FSHR: variants seen among roughly 807,000 people sequenced by gnomAD.
FSHR encodes follicle stimulating hormone receptor.
A neutral mutation model predicts 52.1 loss-of-function variants in FSHR; 46 were observed. The observed-to-expected ratio is 0.88, with a 90% confidence interval of 0.70 to 1.13. The LOEUF is 1.13. Ranked by LOEUF, FSHR falls within the 50% of genes most tolerant of loss-of-function variation. The pLI, the probability that FSHR is intolerant of heterozygous loss-of-function variation, is 0.00. For synonymous variants in FSHR, 399 were observed against 309.6 expected (o/e 1.29, Z -3.03); for missense variants, 964 against 834.6 (o/e 1.16, Z -1.91).
rs1020217592 is a variant in FSHR, at chr2:49,154,444, T to C, written c.-27A>G. On this transcript the variant is annotated 5_prime_UTR_variant, in exon 1 of 10. Transcript: ENST00000406846. Reference sequence around the variant, plus strand: ...ATTATGCATCCATCCACCTGATTTCTTCCTGCATTTGCAGAGAAAAACCTC... The same window carrying C: ...ATTATGCATCCATCCACCTGATTTCCTCCTGCATTTGCAGAGAAAAACCTC... The C allele has an allele frequency of 4.3e-6, 7 of 1,611,344 alleles. No homozygotes were observed. In the African/African-American group the frequency reaches 8.0e-5, roughly 18 times the overall value.
At chr2:48,979,382 T>G (rs1049170941) in intron 8 of FSHR, among the ~76,000 whole-genome samples, 2 of 151,940 alleles carry the variant, frequency 1.3e-5, no homozygotes, top group Non-Finnish European at 2.9e-5. Flanking sequence ...TTAACGCTGC[T>G]GTCAGCTATG....
intron 2 of FSHR, chr2:49,059,642 A>C (rs1669208403): frequency 6.6e-6 from 1 of 152,622 alleles, no homozygotes; most frequent in East Asian, 1.9e-4. Flanking sequence ...AGTAATGGCA[A>C]AAACTGCAAT....
At chr2:49,017,585 G>T (rs774735687) in intron 3 of FSHR, 22 bp from the exon 4 acceptor site, 2 of 1,561,206 alleles carry the variant, frequency 1.3e-6, no homozygotes, top group South Asian at 1.1e-5. Flanking sequence ...GAAAAAACAT[G>T]CTAGTGATCT....
chr2:49,144,273 G>A (rs1672791800), intron 1 of FSHR, among the ~76,000 whole-genome samples: 1 of 152,120 alleles, frequency 6.6e-6, no homozygotes, highest in African/African-American at 2.4e-5. Context: ...CTTTGGCTGA[G>A]GTTCTTAAAT....
intron 1 of FSHR, among the ~76,000 whole-genome samples, chr2:49,082,211 G>C (rs1670196520): frequency 6.6e-6 from 1 of 152,150 alleles, no homozygotes; most frequent in Admixed American, 6.5e-5. Context: ...CAGCCTAACT[G>C]GGAGGCACCC....
At chr2:49,137,530 C>T (rs1672529450) in intron 1 of FSHR, among the ~76,000 whole-genome samples, 2 of 152,150 alleles carry the variant, frequency 1.3e-5, no homozygotes, top group South Asian at 2.1e-4. Context: ...CTCTAAATAG[C>T]TACCATCCTG....
At position 49,140,307 on chromosome 2, in the gene FSHR, C is replaced by T. The variant is rs541487906; in HGVS notation, c.152+13959G>A. On this transcript the variant is annotated intron_variant, in intron 1 of 9. Transcript: ENST00000406846. ...GTTTGAAAGTGTGTGGCATTGCCCC[C>T]GCACCACCCCCCACCCATTCTCTCT... Among the ~76,000 whole-genome samples, 19 of 151,838 alleles carry T rather than the reference C, an allele frequency of 1.3e-4. No homozygotes were observed. The South Asian group carries it at 2.1e-3, about 17-fold the overall frequency.
At position 49,110,296 on chromosome 2, in the gene FSHR, G is replaced by C. The variant is rs1423023651; in HGVS notation, c.153-42006C>G. Reference sequence around the variant, plus strand: ...AGTACAAAAACTGAGGCCCATAGCAGATAAATCCTGGGAAGTGGTGGTCTC... The same window carrying C: ...AGTACAAAAACTGAGGCCCATAGCACATAAATCCTGGGAAGTGGTGGTCTC... On this transcript the variant is annotated intron_variant, in intron 1 of 9. Coordinates refer to ENST00000406846, the MANE Select transcript of FSHR (RefSeq NM_000145.4). Among the ~76,000 whole-genome samples, 66 of 152,262 alleles carry C rather than the reference G, an allele frequency of 4.3e-4. 1 individual carries two copies. Among genetic ancestry groups the C allele is most frequent in the Non-Finnish European group, 1.5e-5 (1 of 68,002 alleles).
At chr2:49,065,746 G>T (rs4971623) in intron 2 of FSHR, among the ~76,000 whole-genome samples, 1 of 151,788 alleles carries the variant, frequency 6.6e-6, no homozygotes, top group African/African-American at 2.4e-5. Context: ...TTCAAGGGTG[G>T]AGCTAGAAGA....
At chr2:49,084,866 C>A (rs1180031910) in intron 1 of FSHR, among the ~76,000 whole-genome samples, 3 of 151,920 alleles carry the variant, frequency 2.0e-5, no homozygotes, top group Non-Finnish European at 4.4e-5. Flanking sequence ...GCTTACCAAC[C>A]AAAAAGAGTC....
rs917432692 is a variant in FSHR, at chr2:48,963,749, C to G, written c.1072G>C (p.Asp358His). Residue 358 changes from aspartate to histidine, a missense_variant, in exon 10 of 10, where the codon GAT (aspartate) becomes CAT (histidine). Asp to His is a moderately conservative substitution (Grantham distance 81). Coordinates refer to ENST00000406846, the MANE Select transcript of FSHR (RefSeq NM_000145.4). The part of the protein sequence containing the change: ...PKPDAFNPCE[D>H]IMGYNILRVL... The stretch of plus-strand genomic sequence containing the variant: ...CTGAGGATGTTGTACCCCATGATAT[C>G]TTCACATGGGTTGAATGCATCTGGC... 1.2e-6 allele frequency: 2 copies of G among 1,614,128 alleles called. No individual in the cohort carries two copies. The highest frequency in any genetic ancestry group is 1.7e-6 in the Non-Finnish European group (2 of 1,179,988).
At chr2:49,043,294 A>C in intron 2 of FSHR, among the ~76,000 whole-genome samples, 1 of 136,092 alleles carries the variant, frequency 7.3e-6, no homozygotes, top group Admixed American at 7.4e-5. Flanking sequence ...TGGGCAGGGT[A>C]GGGGGTGGGG....
At chr2:49,144,843 T>C (rs1384569841) in intron 1 of FSHR, among the ~76,000 whole-genome samples, 1 of 152,140 alleles carries the variant, frequency 6.6e-6, no homozygotes, top group Non-Finnish European at 1.5e-5. Context: ...TTAATTTGTT[T>C]TTCTACCCTA....
At chr2:48,991,487 C>T (rs1675776558) in intron 4 of FSHR, among the ~76,000 whole-genome samples, 1 of 152,118 alleles carries the variant, frequency 6.6e-6, no homozygotes, top group Non-Finnish European at 1.5e-5. Flanking sequence ...CTCCCCTTTC[C>T]TATTGGTAAA....
chr2:49,021,853 C>CTA (rs1667716528), intron 2 of FSHR, among the ~76,000 whole-genome samples: 2 of 34,204 alleles, frequency 5.8e-5, no homozygotes, highest in East Asian at 2.7e-3. Flanking sequence ...CTCTCTCTCT[C>CTA]TCTCTCTCTC....
At chr2:49,122,801 G>A (rs1671864904) in intron 1 of FSHR, among the ~76,000 whole-genome samples, 1 of 152,176 alleles carries the variant, frequency 6.6e-6, no homozygotes, top group African/African-American at 2.4e-5. Context: ...TTAACACCCA[G>A]GATCTTGGGT....
At chr2:49,118,726 C>A (rs1485942113) in intron 1 of FSHR, among the ~76,000 whole-genome samples, 1 of 152,204 alleles carries the variant, frequency 6.6e-6, no homozygotes, top group Non-Finnish European at 1.5e-5. Flanking sequence ...CATACCCAAT[C>A]ACACACCCAC....
intron 1 of FSHR, among the ~76,000 whole-genome samples, chr2:49,138,846 T>C (rs1011774586): frequency 1.3e-5 from 2 of 152,220 alleles, no homozygotes; most frequent in Admixed American, 6.5e-5. Flanking sequence ...ATGTGAGTTA[T>C]AGCTCAAAGC....
At chr2:49,028,240 T>A (rs1211042923) in intron 2 of FSHR, among the ~76,000 whole-genome samples, 1 of 152,190 alleles carries the variant, frequency 6.6e-6, no homozygotes, top group South Asian at 2.1e-4. Context: ...ATGATAATAA[T>A]TAACCTTTAT....
Sources: gnomAD v4.1 joint callset for allele counts (sites outside exome capture counted in the v4.1 genomes callset) on GRCh38, gnomAD v4.1.1 for gene constraint, MANE v1.5 for transcripts, NCBI Gene and HGNC (gene_info 2026-07-23, HGNC 2026-07-21) for gene names.